The following VSTM2B variants were observed in gnomAD, a reference collection of about 807,000 sequenced individuals.
VSTM2B encodes the protein V-set and transmembrane domain-containing protein 2B.
In VSTM2B, 24 loss-of-function variants were observed where a neutral mutation model predicts 24.0. That is an observed-to-expected ratio of 1.00 (90% CI 0.72 to 1.40). VSTM2B has a LOEUF of 1.40. Ranked by LOEUF, VSTM2B falls within the 40% of genes most tolerant of loss-of-function variation. The probability of loss-of-function intolerance (pLI) is 0.00; values close to 1 mark genes in which losing one functional copy is unlikely to be tolerated. For missense variants in VSTM2B, 399 were observed against 416.4 expected (o/e 0.96, Z 0.36); for synonymous variants, 226 against 194.4 (o/e 1.16, Z -1.35).
intron 3 of VSTM2B, 61 bp from the exon 4 acceptor site, chr19:29,529,758 G>T: frequency 1.3e-6 from 2 of 1,484,522 alleles, no homozygotes; most frequent in Non-Finnish European, 9.1e-7. Flanking sequence ...GACGGCCAGG[G>T]TGGCCAGAAG....
intron 4 of VSTM2B, among the ~76,000 whole-genome samples, chr19:29,540,182 G>A (rs375116690): frequency 6.6e-6 from 1 of 152,254 alleles, no homozygotes; most frequent in African/African-American, 2.4e-5. Flanking sequence ...CGAGTGGGGG[G>A]TGGGGATTCC....
At chr19:29,537,652 A>C (rs1470476965) in intron 4 of VSTM2B, among the ~76,000 whole-genome samples, 1 of 147,364 alleles carries the variant, frequency 6.8e-6, no homozygotes, top group East Asian at 2.1e-4. Flanking sequence ...GCATGAAATA[A>C]GGAGCCAAAG....
chr19:29,538,247 C>G (rs12979667), intron 4 of VSTM2B, among the ~76,000 whole-genome samples: 8,850 of 152,294 alleles, frequency 0.058, 309 homozygotes, highest in Middle Eastern at 0.11. Flanking sequence ...CCCACTCTCT[C>G]TGTACGAGTT....
chr19:29,563,921 T>C lies in VSTM2B; in HGVS notation c.845T>C (p.Leu282Pro), dbSNP rs1011318917. Residue 282 changes from leucine to proline, a missense_variant, in exon 5 of 5, where the codon CTC becomes CCC. Leu to Pro is a moderately conservative substitution (Grantham distance 98). Transcript: ENST00000335523. The part of the protein sequence containing the change: ...LLALHKFLRL[L>P]LGH ...GCTCTGCATAAGTTCCTGCGCCTGC[T>C]CTTGGGACATTGACAGACAAGACCA... 2 of 1,552,200 alleles carry C rather than the reference T, an allele frequency of 1.3e-6. No homozygotes were observed. The highest frequency in any genetic ancestry group is 2.7e-5 in the African/African-American group (2 of 73,052).
intron 4 of VSTM2B, among the ~76,000 whole-genome samples, chr19:29,533,734 A>G (rs1027040024): frequency 6.6e-6 from 1 of 152,216 alleles, no homozygotes; most frequent in African/African-American, 2.4e-5. Context: ...TGAAGCCTGC[A>G]GACTGTGTTT....
intron 4 of VSTM2B, among the ~76,000 whole-genome samples, chr19:29,542,813 G>T (rs1970055957): frequency 6.6e-6 from 1 of 152,164 alleles, no homozygotes; most frequent in Non-Finnish European, 1.5e-5. Context: ...GCATGCCTAA[G>T]GTTGGAGTTT....
At chr19:29,561,810 C>T (rs1044286758) in intron 4 of VSTM2B, among the ~76,000 whole-genome samples, 10 of 152,284 alleles carry the variant, frequency 6.6e-5, no homozygotes, top group Admixed American at 1.3e-4. Flanking sequence ...CCATCACATC[C>T]GCCTGTCGTC....
chr19:29,539,750 G>A (rs1276644169), intron 4 of VSTM2B, among the ~76,000 whole-genome samples: 1 of 152,264 alleles, frequency 6.6e-6, no homozygotes, highest in Non-Finnish European at 1.5e-5. Context: ...ACCGAGGCTA[G>A]TGAGAAGAAT....
In VSTM2B at chr19:29,546,652, C is replaced by T. The variant is rs191486410; in HGVS notation, c.769+16362C>T. Among the ~76,000 whole-genome samples, 421 of 152,330 alleles carry T rather than the reference C, an allele frequency of 2.8e-3. 13 individuals carry two copies. The highest frequency in any genetic ancestry group is 0.027 in the Admixed American group (412 of 15,302). On this transcript the variant is annotated intron_variant, in intron 4 of 4. Coordinates refer to ENST00000335523, the MANE Select transcript of VSTM2B (RefSeq NM_001146339.2). ...GGCCCCACACTGAGGGAGGCAGCCT[C>T]GCCGTCCCCGCTGGGGAGCCCCCAC...
chr19:29,546,135 AAGATG>A (rs1970149099), intron 4 of VSTM2B, among the ~76,000 whole-genome samples: 1 of 152,038 alleles, frequency 6.6e-6, no homozygotes, highest in South Asian at 2.1e-4. Context: ...TGGGCCAGAG[AAGATG>A]GGTGAGCTTG....
At chr19:29,563,049 C>A (rs921140774) in intron 4 of VSTM2B, among the ~76,000 whole-genome samples, 1 of 152,108 alleles carries the variant, frequency 6.6e-6, no homozygotes, top group Non-Finnish European at 1.5e-5. Flanking sequence ...TTACACACAG[C>A]AACATCAGGA....
At chr19:29,534,546 C>G (rs1434212407) in intron 4 of VSTM2B, among the ~76,000 whole-genome samples, 2 of 152,054 alleles carry the variant, frequency 1.3e-5, no homozygotes, top group African/African-American at 4.8e-5. Flanking sequence ...GAGATCCTGT[C>G]TCTACTAAAA....
chr19:29,555,809 A>G (rs1308542027), intron 4 of VSTM2B, among the ~76,000 whole-genome samples: 1 of 152,192 alleles, frequency 6.6e-6, no homozygotes, highest in African/African-American at 2.4e-5. Flanking sequence ...AAACTCTATA[A>G]GAAACGAAAA....
intron 4 of VSTM2B, among the ~76,000 whole-genome samples, chr19:29,534,381 A>G (rs976348718): frequency 1.3e-5 from 2 of 152,210 alleles, no homozygotes; most frequent in Non-Finnish European, 2.9e-5. Context: ...AGGGGCTCAC[A>G]GCAGAGTGGA....
rs1235974489 is a variant in VSTM2B at position 29,526,561 on chromosome 19, C to A, written c.-23C>A. 1 of 1,501,132 alleles carries A rather than the reference C, an allele frequency of 6.7e-7. No individual in the cohort carries two copies. Among genetic ancestry groups the A allele is most frequent in the Non-Finnish European group, 8.8e-7 (1 of 1,129,960 alleles). 93.0% of individuals were successfully genotyped at this position (1,501,132 alleles called of 1,614,324 possible). On this transcript the variant is annotated 5_prime_UTR_variant, in exon 1 of 5. Transcript: ENST00000335523. This position sits in a 1 kb window ranked among gnomAD's most constrained non-coding sequence, Gnocchi z 4.1. ...CGCCTCTCCGCTCCCGGGCCCCCGCCGCCACCGCGCCCCCCGCGGGAGATG... is the reference window on the plus strand; with the variant it reads ...CGCCTCTCCGCTCCCGGGCCCCCGCAGCCACCGCGCCCCCCGCGGGAGATG...
intron 3 of VSTM2B, chr19:29,528,995 T>G (rs1599874430): frequency 1.0e-6 from 1 of 985,142 alleles, no homozygotes; most frequent in Non-Finnish European, 1.2e-6. Flanking sequence ...GGGGCCCGGG[T>G]CATGGGGTTG....
intron 4 of VSTM2B, among the ~76,000 whole-genome samples, chr19:29,547,396 C>T (rs1970179382): frequency 6.6e-6 from 1 of 152,232 alleles, no homozygotes; most frequent in African/African-American, 2.4e-5. Context: ...AGGTCACATA[C>T]TTGCTGCAGT....
At chr19:29,533,823 A>C (rs7252103) in intron 4 of VSTM2B, among the ~76,000 whole-genome samples, 51,188 of 152,130 alleles carry the variant, frequency 0.34, 9,497 homozygotes, top group East Asian at 0.52. Context: ...GGCACCAGGT[A>C]CTGCTGAGCG....
chr19:29,526,598 C>G lies in VSTM2B; in HGVS notation c.15C>G (p.Asn5Lys). 6.6e-7 allele frequency: 1 copy of G among 1,525,812 alleles called. No homozygotes were observed. The highest frequency in any genetic ancestry group is 8.8e-7 in the Non-Finnish European group (1 of 1,141,990). The allele number at this position is 1,525,812 out of a possible 1,614,324, so 94.5% of individuals were successfully genotyped here. The change falls in exon 1 of 5, where the codon AAC (asparagine) becomes AAG (lysine). Residue 5 changes from asparagine to lysine, a missense_variant. Transcript: ENST00000335523. This position sits in a 1 kb window ranked among gnomAD's most constrained non-coding sequence, Gnocchi z 4.1. MEQRNRLGALGYLPP... is the reference protein window; with the variant it reads MEQRKRLGALGYLPP... Reference sequence around the variant, plus strand: ...CCCCGCGGGAGATGGAACAGCGGAACCGGCTCGGTGCCCTCGGATACCTGC... The same window carrying G: ...CCCCGCGGGAGATGGAACAGCGGAAGCGGCTCGGTGCCCTCGGATACCTGC...
Sources: allele counts gnomAD v4.1 joint callset (sites outside exome capture counted in the v4.1 genomes callset), GRCh38; gene constraint gnomAD v4.1.1; non-coding constraint Gnocchi (gnomAD v3.1); transcripts MANE v1.5; gene names NCBI Gene and HGNC (gene_info 2026-07-23, HGNC 2026-07-21).